KHDRBS2: variants seen among roughly 807,000 people sequenced by gnomAD.
KHDRBS2 encodes the protein KH RNA binding domain containing, signal transduction associated 2.
A neutral mutation model predicts 44.3 loss-of-function variants in KHDRBS2; 26 were observed. The ratio of observed to expected loss-of-function variants is 0.59; its 90% confidence interval spans 0.43 to 0.81. The LOEUF (loss-of-function observed/expected upper bound fraction) is 0.81. KHDRBS2 is among the 40% of genes least tolerant of loss of function. The pLI is 0.00. For missense variants in KHDRBS2, 476 were observed against 433.1 expected, an observed-to-expected ratio of 1.10 and a Z score of -0.88; for synonymous variants, 194 against 151.1, an observed-to-expected ratio of 1.28 and a Z score of -2.08.
the KHDRBS2 span, among the ~76,000 whole-genome samples, chr6:61,591,389 C>T: frequency 6.6e-6 from 1 of 151,850 alleles, no homozygotes; most frequent in South Asian, 2.1e-4. Context: ...ATGAAATTTC[C>T]AAAATATAAA....
At chr6:61,589,841 A>G in the KHDRBS2 span, among the ~76,000 whole-genome samples, 1 of 152,326 alleles carries the variant, frequency 6.6e-6, no homozygotes, top group Non-Finnish European at 1.5e-5. Flanking sequence ...AGGACTATAA[A>G]TAATCTCTCC....
chr6:62,270,277 A>ATCTCTC (rs147450056), intron 1 of KHDRBS2, among the ~76,000 whole-genome samples: 49 of 120,666 alleles, frequency 4.1e-4, no homozygotes, highest in African/African-American at 5.9e-4. Context: ...GTGGAACCCC[A>ATCTCTC]TCTCTCTCTC....
At chr6:61,715,453 T>G (rs1464053597) in intron 7 of KHDRBS2, among the ~76,000 whole-genome samples, 1 of 151,936 alleles carries the variant, frequency 6.6e-6, no homozygotes, top group Non-Finnish European at 1.5e-5. Flanking sequence ...TTCAAATATC[T>G]GATCTGCCTG....
rs1842476424 is a variant in KHDRBS2 at position 62,286,179 on chromosome 6, G to T, written c.-231C>A. On this transcript the variant is annotated 5_prime_UTR_variant, in exon 1 of 9. Transcript: ENST00000281156. ...TTCCGTCGTCCCTCGCTCGCGCAGA[G>T]CCCCGGCTCACACCAGCGGCCTTAA... The T allele has an allele frequency of 1.9e-6, 1 of 537,990 alleles. No individual in the cohort carries two copies. Among genetic ancestry groups the T allele is most frequent in the Non-Finnish European group, 3.2e-6 (1 of 308,226 alleles). 33.3% of individuals were successfully genotyped at this position (537,990 alleles called of 1,614,324 possible). A position where few individuals can be genotyped will look rare whatever the true frequency, so the allele number is the denominator to read the frequency against.
Position 62,240,694 on chromosome 6 carries a change from A to G in KHDRBS2, c.91+45164T>C, listed in dbSNP as rs1358371815. 7.5e-3 allele frequency among the ~76,000 whole-genome samples: 976 copies of G among 130,084 alleles called. 20 individuals carry two copies. The highest frequency in any genetic ancestry group is 0.03 in the Middle Eastern group (8 of 270). The allele number at this position is 130,084 out of a possible 152,430, so 85.3% of individuals were successfully genotyped here. On this transcript the variant is annotated intron_variant, in intron 1 of 8. Coordinates refer to ENST00000281156, the MANE Select transcript of KHDRBS2 (RefSeq NM_152688.4). ...TGTGTATATATATATATATATATAT[A>G]TATATATATATATATATATATATAA...
chr6:61,679,909 A>C (rs1766148134), downstream of KHDRBS2: 2 of 151,908 alleles, frequency 1.3e-5, no homozygotes, highest in African/African-American at 4.8e-5. Context: ...GAGACATGCT[A>C]ATGCAAACAA....
chr6:61,889,069 A>G (rs1244434704), intron 6 of KHDRBS2, among the ~76,000 whole-genome samples: 1 of 152,220 alleles, frequency 6.6e-6, no homozygotes, highest in Non-Finnish European at 1.5e-5. Context: ...CAAAGGGTCC[A>G]TAACTTATCA....
rs377196220 is a variant in KHDRBS2 at position 61,901,386 on chromosome 6, T to C, written c.484-15A>G. On this transcript the variant is annotated splice_polypyrimidine_tract_variant and intron_variant, in intron 4 of 8. Transcript: ENST00000281156. Reference sequence around the variant, plus strand: ...TCATTGTAGTCCTGGAGAAAAAACATGATGTGATGAGTTAAAAATGGGACA... The same window carrying C: ...TCATTGTAGTCCTGGAGAAAAAACACGATGTGATGAGTTAAAAATGGGACA... 2 of 1,602,654 alleles carry C rather than the reference T, an allele frequency of 1.2e-6. No homozygotes were observed. The highest frequency in any genetic ancestry group is 8.5e-7 in the Non-Finnish European group (1 of 1,175,528).
intron 3 of KHDRBS2, among the ~76,000 whole-genome samples, chr6:62,034,795 A>C (rs1225517357): frequency 6.6e-6 from 1 of 151,882 alleles, no homozygotes; most frequent in Non-Finnish European, 1.5e-5. Context: ...CAGGAAAAAA[A>C]ATCTAATAAT....
intron 6 of KHDRBS2, among the ~76,000 whole-genome samples, chr6:61,794,424 T>C (rs1785034639): frequency 6.6e-6 from 1 of 152,210 alleles, no homozygotes; most frequent in Non-Finnish European, 1.5e-5. Flanking sequence ...TTCTATGGCA[T>C]GTTAGCCAGC....
At chr6:62,142,566 C>T (rs1239809183) in intron 2 of KHDRBS2, among the ~76,000 whole-genome samples, 1 of 151,910 alleles carries the variant, frequency 6.6e-6, no homozygotes, top group African/African-American at 2.4e-5. Flanking sequence ...ATCAGTAGCA[C>T]TGTTCCTAGC....
At chr6:61,907,966 A>G (rs1805330988) in intron 4 of KHDRBS2, among the ~76,000 whole-genome samples, 1 of 152,212 alleles carries the variant, frequency 6.6e-6, no homozygotes. Context: ...TCAGAAATAT[A>G]CTACATATTA....
At chr6:61,922,924 G>A (rs1254719301) in intron 4 of KHDRBS2, among the ~76,000 whole-genome samples, 1 of 152,126 alleles carries the variant, frequency 6.6e-6, no homozygotes, top group African/African-American at 2.4e-5. Flanking sequence ...ATGCGAAGAA[G>A]CAGTAAAATA....
chr6:61,639,117 T>G, the KHDRBS2 span, among the ~76,000 whole-genome samples: 2 of 152,138 alleles, frequency 1.3e-5, no homozygotes, highest in African/African-American at 4.8e-5. Flanking sequence ...TTAAGTTCCC[T>G]TATGAAATGA....
At chr6:61,958,140 T>A (rs531054471) in intron 4 of KHDRBS2, among the ~76,000 whole-genome samples, 5 of 152,154 alleles carry the variant, frequency 3.3e-5, no homozygotes, top group Admixed American at 2.6e-4. Context: ...ACCATTTCCC[T>A]CTGTTCTCTG....
rs1218196978 is a variant in KHDRBS2, at chr6:61,691,954, G to A, written c.952+5241C>T. On this transcript the variant is annotated intron_variant, in intron 8 of 8. Transcript: ENST00000281156. Reference sequence around the variant, plus strand: ...ATATTATCCTCCTTGCTTCCACACAGCTGTCATCTAAAATGCCACTAAAGA... The same window carrying A: ...ATATTATCCTCCTTGCTTCCACACAACTGTCATCTAAAATGCCACTAAAGA... Among the ~76,000 whole-genome samples the A allele has an allele frequency of 2.0e-5, 3 of 152,060 alleles. No homozygotes were observed. In the East Asian group the frequency reaches 5.8e-4, roughly 29 times the overall value.
At chr6:61,587,560 T>A in the KHDRBS2 span, among the ~76,000 whole-genome samples, 41 of 152,272 alleles carry the variant, frequency 2.7e-4, no homozygotes, top group African/African-American at 9.1e-4. Flanking sequence ...ACACTAAAGT[T>A]GGCATGGATG....
intron 2 of KHDRBS2, among the ~76,000 whole-genome samples, chr6:62,130,165 T>C (rs1305238545): frequency 2.6e-5 from 4 of 152,180 alleles, no homozygotes; most frequent in African/African-American, 7.2e-5. Context: ...TCACAGCCCT[T>C]CACATGAGAA....
chr6:61,650,648 G>A, the KHDRBS2 span, among the ~76,000 whole-genome samples: 1 of 151,496 alleles, frequency 6.6e-6, no homozygotes, highest in African/African-American at 2.4e-5. Flanking sequence ...AAACAACTAT[G>A]GGGACTATGA....
Sources: gnomAD v4.1 joint callset for allele counts (sites outside exome capture counted in the v4.1 genomes callset) on GRCh38, gnomAD v4.1.1 for gene constraint, MANE v1.5 for transcripts, NCBI Gene and HGNC (gene_info 2026-07-23, HGNC 2026-07-21) for gene names.